The following NALF1 variants were observed in gnomAD, a reference collection of about 807,000 sequenced individuals.
NALF1 encodes family with sequence similarity 155 member A.
A neutral mutation model predicts 48.4 loss-of-function variants in NALF1; 3 were observed. The observed-to-expected ratio is 0.06, with a 90% confidence interval of 0.03 to 0.16. The LOEUF is 0.16. NALF1 is among the 10% of genes least tolerant of loss of function. The pLI, the probability that NALF1 is intolerant of heterozygous loss-of-function variation, is 1.00. For synonymous variants in NALF1, 262 were observed against 245.7 expected (o/e 1.07, Z -0.62); for missense variants, 526 against 571.5 (o/e 0.92, Z 0.81).
At chr13:107,516,221 G>A (rs1876045541) in intron 1 of NALF1, among the ~76,000 whole-genome samples, 1 of 152,144 alleles carries the variant, frequency 6.6e-6, no homozygotes, top group African/African-American at 2.4e-5. Context: ...AAACAAAGAT[G>A]ACAATGAGCG....
At position 107,867,123 on chromosome 13, in the gene NALF1, C is replaced by CCCTCCT. The variant is rs989584833; in HGVS notation, c.-533_-528dup. On this transcript the variant is annotated 5_prime_UTR_variant, in exon 1 of 3. Coordinates refer to ENST00000375915, the MANE Select transcript of NALF1 (RefSeq NM_001080396.3). The surrounding 1 kb of genome is among the most constrained non-coding windows in gnomAD (Gnocchi z 4.4). The stretch of plus-strand genomic sequence containing the variant: ...CCACTGACGGCGCCCGGAGCGCCTC[C>CCCTCCT]CCTCCTCCTCCTCCTCCTCCTCTTC... Among the ~76,000 whole-genome samples, 11 of 151,244 alleles carry CCCTCCT rather than the reference C, an allele frequency of 7.3e-5. No individual in the cohort carries two copies. The highest frequency in any genetic ancestry group is 1.2e-4 in the African/African-American group (5 of 41,188).
At chr13:107,762,429 T>TA (rs1434765550) in intron 1 of NALF1, among the ~76,000 whole-genome samples, 1 of 151,072 alleles carries the variant, frequency 6.6e-6, no homozygotes, top group East Asian at 1.9e-4. Flanking sequence ...AGTATAATTT[T>TA]AAAAAATTAA....
At chr13:107,391,218 T>C (rs573991544) in intron 1 of NALF1, among the ~76,000 whole-genome samples, 2 of 152,132 alleles carry the variant, frequency 1.3e-5, no homozygotes, top group African/African-American at 4.8e-5. Context: ...TCTCAGATGA[T>C]AGAAAACTGC....
intron 1 of NALF1, among the ~76,000 whole-genome samples, chr13:107,285,130 T>TA (rs1273765149): frequency 2.0e-5 from 3 of 152,206 alleles, no homozygotes; most frequent in African/African-American, 7.2e-5. Context: ...AGATTTATGT[T>TA]ACTCTGCATG....
At chr13:107,292,588 C>T (rs1325919201) in intron 1 of NALF1, among the ~76,000 whole-genome samples, 1 of 152,130 alleles carries the variant, frequency 6.6e-6, no homozygotes, top group Non-Finnish European at 1.5e-5. Flanking sequence ...CACTGTCTTC[C>T]ACCTCCACTT....
chr13:107,743,693 A>T (rs1465087534), intron 1 of NALF1, among the ~76,000 whole-genome samples: 1 of 152,224 alleles, frequency 6.6e-6, no homozygotes, highest in African/African-American at 2.4e-5. Flanking sequence ...CTCACAGAGT[A>T]AACAGTATAG....
At chr13:107,779,395 A>T (rs963771781) in intron 1 of NALF1, among the ~76,000 whole-genome samples, 2 of 152,198 alleles carry the variant, frequency 1.3e-5, no homozygotes, top group Admixed American at 1.3e-4. Flanking sequence ...TTTAAGGAGT[A>T]TCCAGTTCAG....
At chr13:107,253,676 C>T (rs763177240) in intron 1 of NALF1, among the ~76,000 whole-genome samples, 1 of 152,198 alleles carries the variant, frequency 6.6e-6, no homozygotes, top group Non-Finnish European at 1.5e-5. Context: ...ACCTCCCGTT[C>T]CTCTCTACCT....
At chr13:107,670,983 T>C (rs537770130) in intron 1 of NALF1, among the ~76,000 whole-genome samples, 187 of 152,248 alleles carry the variant, frequency 1.2e-3, no homozygotes, top group African/African-American at 4.4e-3. Flanking sequence ...CCCAGCTCTG[T>C]TGATTTTTAA....
intron 1 of NALF1, among the ~76,000 whole-genome samples, chr13:107,856,958 T>G (rs1280574348): frequency 6.6e-6 from 1 of 152,220 alleles, no homozygotes; most frequent in Non-Finnish European, 1.5e-5. Flanking sequence ...AGAGATCTTC[T>G]TGCCAAAACA....
intron 1 of NALF1, among the ~76,000 whole-genome samples, chr13:107,589,299 C>A (rs544039016): frequency 6.6e-6 from 1 of 151,890 alleles, no homozygotes; most frequent in Non-Finnish European, 1.5e-5. Flanking sequence ...GGATGTTCTT[C>A]GGGGTCACGA....
intron 1 of NALF1, among the ~76,000 whole-genome samples, chr13:107,299,472 A>AATAATAATAATT (rs1344151094): frequency 3.3e-5 from 1 of 30,064 alleles, no homozygotes; most frequent in Non-Finnish European, 7.3e-5. Flanking sequence ...TAATAATAAT[A>AATAATAATAATT]AATAAATAAA....
chr13:107,627,902 T>G (rs531305218), intron 1 of NALF1, among the ~76,000 whole-genome samples: 207 of 152,088 alleles, frequency 1.4e-3, no homozygotes, highest in Non-Finnish European at 2.3e-3. Flanking sequence ...TTGTAAAGGT[T>G]TCTGCCTTGA....
At chr13:107,620,661 AC>A (rs1879495383) in intron 1 of NALF1, among the ~76,000 whole-genome samples, 1 of 152,164 alleles carries the variant, frequency 6.6e-6, no homozygotes, top group Non-Finnish European at 1.5e-5. Context: ...AATTGTAACC[AC>A]TGTGCATGTT....
chr13:107,368,147 T>C (rs1452752523), intron 1 of NALF1, among the ~76,000 whole-genome samples: 1 of 152,132 alleles, frequency 6.6e-6, no homozygotes, highest in Non-Finnish European at 1.5e-5. Flanking sequence ...TCTTTGCATC[T>C]AGGAAACAAA....
intron 2 of NALF1, among the ~76,000 whole-genome samples, chr13:107,179,757 C>T (rs2138773154): frequency 6.6e-6 from 1 of 151,572 alleles, no homozygotes; most frequent in East Asian, 1.9e-4. Flanking sequence ...GGCTATGCTC[C>T]CTCTGGGGCT....
rs1488111266 is a variant in NALF1, at chr13:107,781,707, G to A, written c.915+83975C>T. Among the ~76,000 whole-genome samples, 3 of 151,200 alleles carry A rather than the reference G, an allele frequency of 2.0e-5. No homozygotes were observed. The South Asian group carries it at 6.3e-4, about 32-fold the overall frequency. The stretch of plus-strand genomic sequence containing the variant: ...TCTTCTTTGCACTGCTTCATTTGGT[G>A]CACAATCTCATTTTGAGTCAGATGT... On this transcript the variant is annotated intron_variant, in intron 1 of 2. Coordinates refer to ENST00000375915, the MANE Select transcript of NALF1 (RefSeq NM_001080396.3).
intron 1 of NALF1, among the ~76,000 whole-genome samples, chr13:107,329,302 G>T (rs1348846847): frequency 6.6e-6 from 1 of 152,130 alleles, no homozygotes; most frequent in African/African-American, 2.4e-5. Context: ...CTCAATGTAA[G>T]AATTTTCTAG....
At chr13:107,531,261 C>T (rs371014478) in intron 1 of NALF1, 19 of 168,750 alleles carry the variant, frequency 1.1e-4, no homozygotes, top group Admixed American at 7.2e-4. Flanking sequence ...ATTTGGATCA[C>T]GGAGGCAGAT....
Sources: allele counts gnomAD v4.1 joint callset (sites outside exome capture counted in the v4.1 genomes callset), GRCh38; gene constraint gnomAD v4.1.1; non-coding constraint Gnocchi (gnomAD v3.1); transcripts MANE v1.5; gene names NCBI Gene and HGNC (gene_info 2026-07-23, HGNC 2026-07-21).